Variants in COL15A1 observed in about 807,000 individuals in gnomAD.
The protein encoded by COL15A1 is collagen alpha-1(XV) chain.
Under a neutral mutation model 165.9 loss-of-function variants are expected in COL15A1, and 111 were observed. The observed-to-expected ratio is 0.67, with a 90% CI of 0.57 to 0.78. The LOEUF (loss-of-function observed/expected upper bound fraction) is 0.78, where lower values mean the gene tolerates loss of function less well. Ranked by LOEUF, COL15A1 falls within the 30% of genes least tolerant of loss-of-function variation. The probability of loss-of-function intolerance (pLI) is 0.00; values close to 1 mark genes in which losing one functional copy is unlikely to be tolerated. For synonymous variants in COL15A1, 659 were observed against 674.8 expected, an observed-to-expected ratio of 0.98 and a Z score of 0.36; for missense variants, 1,745 against 1,789.7, an observed-to-expected ratio of 0.98 and a Z score of 0.45.
chr9:99,015,322 C>G, intron 9 of COL15A1, 95 bp from the exon 10 acceptor site: 1 of 794,204 alleles, frequency 1.3e-6, no homozygotes. Context: ...CTCCAGTTAT[C>G]TGAGGCTTTA....
intron 13 of COL15A1, among the ~76,000 whole-genome samples, chr9:99,022,729 C>T (rs1430165097): frequency 6.6e-6 from 1 of 152,226 alleles, no homozygotes; most frequent in Non-Finnish European, 1.5e-5. Context: ...GCTCAGTACA[C>T]ACACATTCAA....
chr9:99,012,149 T>A (rs749158143), intron 9 of COL15A1, among the ~76,000 whole-genome samples: 1 of 152,250 alleles, frequency 6.6e-6, no homozygotes, highest in African/African-American at 2.4e-5. Context: ...ACATTTCTAA[T>A]ATTGCTTTAC....
At chr9:98,961,645 C>T (rs1837867168) in intron 2 of COL15A1, among the ~76,000 whole-genome samples, 1 of 152,146 alleles carries the variant, frequency 6.6e-6, no homozygotes, top group South Asian at 2.1e-4. Flanking sequence ...TTTTCCTAGC[C>T]TGGCCCTGGG....
Position 99,056,297 on chromosome 9 carries a change from C to T in COL15A1, c.3230C>T (p.Pro1077Leu). 6.2e-7 allele frequency: 1 copy of T among 1,614,138 alleles called. No individual in the cohort carries two copies. The highest frequency in any genetic ancestry group is 2.2e-5 in the East Asian group (1 of 44,866). Residue 1077 changes from proline (P) to leucine (L), a missense_variant, in exon 35 of 42, where the codon CCC becomes CTC. Coordinates refer to ENST00000375001, the MANE Select transcript of COL15A1 (RefSeq NM_001855.5). ...KGETVVGPQG[P>L]PGAPGLPGPP... ...GAGACAGTCGTTGGGCCCCAAGGACCCCCAGGTGCTCCTGGTCTGCCTGGG... is the reference window on the plus strand; with the variant it reads ...GAGACAGTCGTTGGGCCCCAAGGACTCCCAGGTGCTCCTGGTCTGCCTGGG...
chr9:98,985,663 T>C lies in COL15A1; in HGVS notation c.199T>C (p.Tyr67His), dbSNP rs769183016. 6 of 1,614,130 alleles carry C rather than the reference T, an allele frequency of 3.7e-6. No individual in the cohort carries two copies. The East Asian group carries it at 1.3e-4, about 36-fold the overall frequency. ...FVTGYGGFPAYSFGPGANVGR... is the reference protein window; with the variant it reads ...FVTGYGGFPAHSFGPGANVGR... ...CACAGGCTATGGTGGCTTCCCGGCC[T>C]ACAGTTTCGGGCCTGGTGCCAATGT... The change falls in exon 3 of 42, where the codon TAC (tyrosine) becomes CAC (histidine). Residue 67 changes from tyrosine (Y) to histidine (H), a missense_variant. By Grantham distance (83) the Tyr-to-His change is moderately conservative (BLOSUM62 2). Transcript: ENST00000375001.
intron 2 of COL15A1, among the ~76,000 whole-genome samples, chr9:98,961,348 G>T (rs527421134): frequency 6.6e-6 from 1 of 152,304 alleles, no homozygotes; most frequent in East Asian, 1.9e-4. Context: ...GTTAGAAAGT[G>T]CAATGAGAGC....
At chr9:98,951,661 C>A (rs1367180599) in intron 2 of COL15A1, among the ~76,000 whole-genome samples, 1 of 152,188 alleles carries the variant, frequency 6.6e-6, no homozygotes, top group Non-Finnish European at 1.5e-5. Context: ...AAGTCCTGGG[C>A]TCAAGGGATC....
chr9:99,034,599 A>AG lies in COL15A1; in HGVS notation c.2079+15_2079+16insG. The AG allele has an allele frequency of 6.8e-7, 1 of 1,473,180 alleles. No individual in the cohort carries two copies. Among genetic ancestry groups the AG allele is most frequent in the Non-Finnish European group, 9.0e-7 (1 of 1,115,410 alleles). 91.3% of individuals were successfully genotyped at this position (1,473,180 alleles called of 1,614,324 possible). A position where few individuals can be genotyped will look rare whatever the true frequency, so the allele number is the denominator to read the frequency against. Reference sequence around the variant, plus strand: ...TTGGTGAAAAGGTAAAAAAAAAAAAAAAAAAAAAAAAAAAAGAACTTTCTT... The same window carrying AG: ...TTGGTGAAAAGGTAAAAAAAAAAAAAGAAAAAAAAAAAAAAAGAACTTTCTT... On this transcript the variant is annotated intron_variant, in intron 17 of 41. Coordinates refer to ENST00000375001, the MANE Select transcript of COL15A1 (RefSeq NM_001855.5).
intron 2 of COL15A1, among the ~76,000 whole-genome samples, chr9:98,950,787 T>A (rs1837674749): frequency 6.6e-6 from 1 of 151,988 alleles, no homozygotes; most frequent in South Asian, 2.1e-4. Context: ...GTATTTTTAG[T>A]AGAGATACAG....
At chr9:98,985,475 T>C (rs1333345099) in intron 2 of COL15A1, 90 bp from the exon 3 acceptor site, 1 of 1,257,062 alleles carries the variant, frequency 8.0e-7, no homozygotes, top group Non-Finnish European at 1.1e-6. Context: ...TCCTGAGTGA[T>C]CCCGTTTCAT....
chr9:98,945,265 G>C (rs1204681464), intron 2 of COL15A1, among the ~76,000 whole-genome samples: 1 of 152,134 alleles, frequency 6.6e-6, no homozygotes. Flanking sequence ...GCTGAGGTTT[G>C]GGCTTCTATT....
chr9:99,068,434 C>T, intron 40 of COL15A1, 121 bp from the exon 41 acceptor site: 1 of 448,096 alleles, frequency 2.2e-6, no homozygotes, highest in Non-Finnish European at 3.8e-6. Context: ...CATTGCACTC[C>T]AGCCTGGCTG....
chr9:99,034,260 C>G (rs377290478), intron 16 of COL15A1, among the ~76,000 whole-genome samples: 1 of 152,188 alleles, frequency 6.6e-6, no homozygotes, highest in African/African-American at 2.4e-5. Flanking sequence ...GCTCTCCAAG[C>G]GAAATCTTCT....
intron 9 of COL15A1, 133 bp downstream of exon 9, chr9:99,005,183 G>C (rs1838737696): frequency 2.1e-6 from 2 of 958,892 alleles, no homozygotes; most frequent in Admixed American, 6.0e-5. Context: ...ATACTCACTT[G>C]GGGGTGGAGT....
chr9:99,047,897 T>A (rs369448988), intron 27 of COL15A1, 44 bp from the exon 28 acceptor site: 1 of 1,609,768 alleles, frequency 6.2e-7, no homozygotes, highest in Non-Finnish European at 8.5e-7. Flanking sequence ...GCCAGGCTGG[T>A]CTGTGGGCGG....
At chr9:98,988,214 C>T (rs1484594932) in intron 4 of COL15A1, among the ~76,000 whole-genome samples, 3 of 152,176 alleles carry the variant, frequency 2.0e-5, no homozygotes, top group Non-Finnish European at 2.9e-5. Context: ...CTGTCGATTT[C>T]GTTGGAAAGC....
At chr9:98,958,056 C>A (rs892876761) in intron 2 of COL15A1, among the ~76,000 whole-genome samples, 2 of 152,194 alleles carry the variant, frequency 1.3e-5, no homozygotes, top group African/African-American at 4.8e-5. Flanking sequence ...ACGTTCAGGT[C>A]GCCACCAGCC....
intron 2 of COL15A1, among the ~76,000 whole-genome samples, chr9:98,983,434 C>G (rs1261080746): frequency 6.6e-6 from 1 of 152,214 alleles, no homozygotes; most frequent in Non-Finnish European, 1.5e-5. Context: ...AGAAATCACA[C>G]CAGCCATGGC....
At chr9:99,010,585 C>T (rs933236240) in intron 9 of COL15A1, among the ~76,000 whole-genome samples, 9 of 152,152 alleles carry the variant, frequency 5.9e-5, no homozygotes, top group South Asian at 4.1e-4. Context: ...CCTCGGCACC[C>T]GGGAGTGATT....
Sources: gnomAD v4.1 joint callset for allele counts (sites outside exome capture counted in the v4.1 genomes callset) on GRCh38, gnomAD v4.1.1 for gene constraint, MANE v1.5 for transcripts, NCBI Gene and HGNC (gene_info 2026-07-23, HGNC 2026-07-21) for gene names.